Variants in CSNK1E observed in about 807,000 individuals in gnomAD.
CSNK1E encodes casein kinase I isoform epsilon.
CSNK1E carries 17 observed loss-of-function variants against 46.1 expected under a neutral mutation model. That is an observed-to-expected ratio of 0.37 (90% CI 0.25 to 0.55). The LOEUF (loss-of-function observed/expected upper bound fraction) is 0.55, where lower values mean the gene tolerates loss of function less well. Ranked by LOEUF, CSNK1E falls within the 20% of genes least tolerant of loss-of-function variation. The probability of loss-of-function intolerance (pLI) is 0.82; values close to 1 mark genes in which losing one functional copy is unlikely to be tolerated. For missense variants in CSNK1E, 386 were observed against 595.4 expected, an observed-to-expected ratio of 0.65 and a Z score of 3.66; for synonymous variants, 241 against 242.6, an observed-to-expected ratio of 0.99 and a Z score of 0.06.
rs1405480355 is a variant in CSNK1E at position 38,317,405 on chromosome 22, CCGCCCCCGCCGCCGGCT to C, written c.-275_-259del. 1 of 131,418 alleles carries C rather than the reference CCGCCCCCGCCGCCGGCT, an allele frequency of 7.6e-6. No individual in the cohort carries two copies. The highest frequency in any genetic ancestry group is 1.7e-5 in the Non-Finnish European group (1 of 59,504). 8.1% of individuals were successfully genotyped at this position (131,418 alleles called of 1,614,324 possible). Reference sequence around the variant, plus strand: ...TCCTCCCGGCCTCCTGCCCGCCCGCCCGCCCCCGCCGCCGGCTCGCGCGCTCTCGCACCGCGCGCGCC... The same window carrying C: ...TCCTCCCGGCCTCCTGCCCGCCCGCCCGCGCGCTCTCGCACCGCGCGCGCC... On this transcript the variant is annotated 5_prime_UTR_variant, in exon 1 of 11. Transcript: ENST00000396832.
Position 38,299,968 on chromosome 22 carries a change from C to T in CSNK1E, c.663G>A (p.Lys221=), listed in dbSNP as rs1181150887. The stretch of plus-strand genomic sequence containing the variant: ...CGCTGATCCGTTCATACTTCTGGCG[C>T]TTGGTGGCTGCTTTGAGCCCCTGCC... ...LPWQGLKAAT[K]RQKYERISEK... is the part of the protein sequence containing the mutation. The change falls in exon 6 of 11, where the codon AAG becomes AAA. Residue 221 remains lysine, a synonymous_variant. Transcript: ENST00000396832. The T allele has an allele frequency of 2.5e-6, 4 of 1,614,102 alleles. No homozygotes were observed. The highest frequency in any genetic ancestry group is 2.7e-5 in the African/African-American group (2 of 74,940).
In CSNK1E at chr22:38,305,109, G is replaced by A. The variant is rs575134498; in HGVS notation, c.77-1861C>T. Among the ~76,000 whole-genome samples the A allele has an allele frequency of 7.3e-3, 739 of 101,602 alleles. 9 individuals are homozygous for A. The highest frequency in any genetic ancestry group is 0.027 in the African/African-American group (712 of 26,502). 66.7% of individuals were successfully genotyped at this position (101,602 alleles called of 152,430 possible). ...TGCACGCTAGCCTGGGTGACGGAGT[G>A]AAACTCCAGCTCAAAAAAAAAAAAA... On this transcript the variant is annotated intron_variant, in intron 2 of 10. Coordinates refer to ENST00000396832, the MANE Select transcript of CSNK1E (RefSeq NM_152221.3).
rs1239848442 is a variant in CSNK1E at position 38,294,179 on chromosome 22, C to A, written c.1148G>T (p.Gly383Val). ...ERKVSMRLHR[G>V]APANVSSSDL... is the part of the protein sequence containing the mutation. ...TGAGGAGGAGACGTTGGCGGGCGCACCCCTGTGCAGCCTCATACTCACCTT... is the reference window on the plus strand; with the variant it reads ...TGAGGAGGAGACGTTGGCGGGCGCAACCCTGTGCAGCCTCATACTCACCTT... The change falls in exon 9 of 11, where the codon GGT becomes GTT. Residue 383 changes from glycine (G) to valine (V), a missense_variant. Physicochemically the swap from Gly to Val is moderately radical, Grantham distance 109. Around this residue, in one of 2 missense-constraint regions of CSNK1E, gnomAD observed 174 missense variants for 185.2 expected, o/e 0.94. Transcript: ENST00000396832. This position sits in a 1 kb window ranked among gnomAD's most constrained non-coding sequence, Gnocchi z 5.5. 5 of 1,612,546 alleles carry A rather than the reference C, an allele frequency of 3.1e-6. No homozygotes were observed. The highest frequency in any genetic ancestry group is 4.2e-6 in the Non-Finnish European group (5 of 1,179,858).
Position 38,298,201 on chromosome 22 carries a change from C to T in CSNK1E, c.885+585G>A. On this transcript the variant is annotated intron_variant, in intron 7 of 10. Coordinates refer to ENST00000396832, the MANE Select transcript of CSNK1E (RefSeq NM_152221.3). The surrounding 1 kb of genome is among the most constrained non-coding windows in gnomAD (Gnocchi z 4.2). ...GGGGCTGAGCCTGGCTCGAGGAAGC[C>T]CCCTTTTCCAGAAGAGATGTGAAAC... 1 of 1,303,882 alleles carries T rather than the reference C, an allele frequency of 7.7e-7. No individual in the cohort carries two copies. The highest frequency in any genetic ancestry group is 1.2e-5 in the South Asian group (1 of 81,000). The allele number at this position is 1,303,882 out of a possible 1,614,324, so 80.8% of individuals were successfully genotyped here.
At chr22:38,299,528 T>C (rs2092659703) in intron 6 of CSNK1E, among the ~76,000 whole-genome samples, 1 of 152,084 alleles carries the variant, frequency 6.6e-6, no homozygotes, top group African/African-American at 2.4e-5. Flanking sequence ...GTGGGCTTTG[T>C]TGTTGTTGTT....
chr22:38,313,130 GGGGTAACAGAAACCC>G (rs1345345984), intron 2 of CSNK1E, among the ~76,000 whole-genome samples: 1 of 152,170 alleles, frequency 6.6e-6, no homozygotes, highest in African/African-American at 2.4e-5. Flanking sequence ...CCCTAACCAT[GGGGTAACAGAAACCC>G]CGAAGTTCTG....
At chr22:38,292,576 T>G (rs1339232464) in intron 10 of CSNK1E, 1 of 152,494 alleles carries the variant, frequency 6.6e-6, no homozygotes, top group African/African-American at 2.4e-5. Context: ...ATTGTCCCAG[T>G]GTAAAGTTGA....
rs2145838945 is a variant in CSNK1E, at chr22:38,303,050, AGGC to A, written c.188-44_188-42del. 6.9e-7 allele frequency: 1 copy of A among 1,452,376 alleles called. No individual in the cohort carries two copies. The highest frequency in any genetic ancestry group is 1.2e-5 in the South Asian group (1 of 85,878). 90.0% of individuals were successfully genotyped at this position (1,452,376 alleles called of 1,614,324 possible). On this transcript the variant is annotated intron_variant, in intron 3 of 10. Coordinates refer to ENST00000396832, the MANE Select transcript of CSNK1E (RefSeq NM_152221.3). This position sits in a 1 kb window ranked among gnomAD's most constrained non-coding sequence, Gnocchi z 4.7. Reference sequence around the variant, plus strand: ...AGGGCCTCTGTCAGGGGTCAGAGGCAGGCAGCCAGCCACGCCCGGCCCACCCTG... The same window carrying A: ...AGGGCCTCTGTCAGGGGTCAGAGGCAAGCCAGCCACGCCCGGCCCACCCTG...
In CSNK1E at chr22:38,300,680, C is replaced by G. The variant is rs772177759; in HGVS notation, c.565+44G>C. Reference sequence around the variant, plus strand: ...AGGGCTCCAGAGAGCTGGGCCCCAGCCAGTGGCCCCGGGTGCACACTGCTC... The same window carrying G: ...AGGGCTCCAGAGAGCTGGGCCCCAGGCAGTGGCCCCGGGTGCACACTGCTC... On this transcript the variant is annotated intron_variant, in intron 5 of 10. Coordinates refer to ENST00000396832, the MANE Select transcript of CSNK1E (RefSeq NM_152221.3). This position sits in a 1 kb window ranked among gnomAD's most constrained non-coding sequence, Gnocchi z 4.4. The G allele has an allele frequency of 6.4e-7, 1 of 1,574,576 alleles. No homozygotes were observed. The highest frequency in any genetic ancestry group is 1.7e-5 in the Admixed American group (1 of 59,452).
At chr22:38,297,955 C>A in intron 7 of CSNK1E, 4 of 1,125,238 alleles carry the variant, frequency 3.6e-6, no homozygotes, top group Non-Finnish European at 4.4e-6. Flanking sequence ...ACCTCCTCCA[C>A]CGGCCTATCT....
In CSNK1E at chr22:38,298,240, TCA is replaced by T. The variant is rs2092651316; in HGVS notation, c.885+544_885+545del. The T allele has an allele frequency of 1.5e-6, 2 of 1,296,174 alleles. No individual in the cohort carries two copies. The highest frequency in any genetic ancestry group is 2.3e-5 in the Admixed American group (1 of 43,496). 80.3% of individuals were successfully genotyped at this position (1,296,174 alleles called of 1,614,324 possible). On this transcript the variant is annotated intron_variant, in intron 7 of 10. Coordinates refer to ENST00000396832, the MANE Select transcript of CSNK1E (RefSeq NM_152221.3). This position sits in a 1 kb window ranked among gnomAD's most constrained non-coding sequence, Gnocchi z 4.2. ...GAGATGTGAAACAAGACATACAATT[TCA>T]CAGATTCCAGAGCTCTGGGTACGGC...
At chr22:38,302,793 G>A in intron 4 of CSNK1E, 68 bp downstream of exon 4, 1 of 1,578,726 alleles carries the variant, frequency 6.3e-7, no homozygotes, top group Middle Eastern at 1.7e-4. Context: ...TCCTCTGGGG[G>A]CAGGAGGCAG....
Position 38,314,190 on chromosome 22 carries a change from T to C in CSNK1E, c.-12-21A>G, listed in dbSNP as rs770996047. 3.7e-6 allele frequency: 6 copies of C among 1,606,230 alleles called. No homozygotes were observed. In the South Asian group the frequency reaches 6.6e-5, roughly 18 times the overall value. ...TCTTGCTGCAGAGGAAGCAGGAACA[T>C]GAGGGTCAGCGACGTGGGGAGCCGG... On this transcript the variant is annotated intron_variant, in intron 1 of 10. Coordinates refer to ENST00000396832, the MANE Select transcript of CSNK1E (RefSeq NM_152221.3).
chr22:38,308,063 C>T (rs1311043668), intron 2 of CSNK1E, among the ~76,000 whole-genome samples: 1 of 152,178 alleles, frequency 6.6e-6, no homozygotes, highest in Admixed American at 6.6e-5. Context: ...CTCCTCGCTC[C>T]ATCCCCTGCC....
chr22:38,310,398 C>G (rs1003153212), intron 2 of CSNK1E, among the ~76,000 whole-genome samples: 2 of 152,186 alleles, frequency 1.3e-5, no homozygotes, highest in Non-Finnish European at 2.9e-5. Context: ...TACTTGACAC[C>G]TACACAGACA....
chr22:38,297,874 C>A, intron 7 of CSNK1E: 1 of 1,050,740 alleles, frequency 9.5e-7, no homozygotes, highest in Non-Finnish European at 1.2e-6. Flanking sequence ...CTCAGGCACA[C>A]CTGGCGACAT....
rs952639141 is a variant in CSNK1E, at chr22:38,298,735, G to T, written c.885+51C>A. ...AGCTCACTCTGGCCCTCTGAGTCAG[G>T]GCCTTCCCCATCCAGTCCCCCAAGC... is the stretch of plus-strand genomic sequence containing the variant. On this transcript the variant is annotated intron_variant, in intron 7 of 10. Coordinates refer to ENST00000396832, the MANE Select transcript of CSNK1E (RefSeq NM_152221.3). This position sits in a 1 kb window ranked among gnomAD's most constrained non-coding sequence, Gnocchi z 4.2. 6.2e-7 allele frequency: 1 copy of T among 1,608,482 alleles called. No individual in the cohort carries two copies. Among genetic ancestry groups the T allele is most frequent in the South Asian group, 1.1e-5 (1 of 90,808 alleles).
At chr22:38,307,211 T>C (rs1158794425) in intron 2 of CSNK1E, among the ~76,000 whole-genome samples, 44 of 151,972 alleles carry the variant, frequency 2.9e-4, no homozygotes, top group Admixed American at 2.9e-3. Flanking sequence ...AAAAATACAG[T>C]ACAATAACTA....
Position 38,300,611 on chromosome 22 carries a change from C to A in CSNK1E, c.565+113G>T. On this transcript the variant is annotated intron_variant, in intron 5 of 10. Transcript: ENST00000396832. This position sits in a 1 kb window ranked among gnomAD's most constrained non-coding sequence, Gnocchi z 4.4. ...GGGGCAGACGGGGTGGGGACTTTCT[C>A]ACTAGAAAAGAGCCTGGGGGCCTCC... 1 of 1,034,572 alleles carries A rather than the reference C, an allele frequency of 9.7e-7. No individual in the cohort carries two copies. The highest frequency in any genetic ancestry group is 1.4e-6 in the Non-Finnish European group (1 of 699,276). 64.1% of individuals were successfully genotyped at this position (1,034,572 alleles called of 1,614,324 possible). A position where few individuals can be genotyped will look rare whatever the true frequency, so the allele number is the denominator to read the frequency against.
Sources: gnomAD v4.1 joint callset for allele counts (sites outside exome capture counted in the v4.1 genomes callset) on GRCh38, gnomAD v4.1.1 for gene constraint, gnomAD v4.1.1 regional missense constraint, Gnocchi (gnomAD v3.1) non-coding constraint, MANE v1.5 for transcripts, NCBI Gene and HGNC (gene_info 2026-07-23, HGNC 2026-07-21) for gene names.